TRPM3: variants seen among roughly 807,000 people sequenced by gnomAD.
The protein encoded by TRPM3 is long transient receptor potential channel 3.
Under a neutral mutation model 181.2 loss-of-function variants are expected in TRPM3, and 77 were observed. The ratio of observed to expected loss-of-function variants is 0.42; its 90% confidence interval spans 0.35 to 0.51. The LOEUF (loss-of-function observed/expected upper bound fraction) is 0.51. TRPM3 is among the 20% of genes least tolerant of loss of function. The pLI is 0.01. For synonymous variants in TRPM3, 745 were observed against 796.4 expected (o/e 0.94, Z 1.09); for missense variants, 1,759 against 2,196.7 (o/e 0.80, Z 3.98).
At chr9:70,633,279 T>G (rs1356682736) in intron 12 of TRPM3, among the ~76,000 whole-genome samples, 1 of 152,170 alleles carries the variant, frequency 6.6e-6, no homozygotes, top group Non-Finnish European at 1.5e-5. Context: ...AGAAGACACA[T>G]CGAATGTGTC....
At chr9:70,878,834 C>A (rs141902094) in intron 1 of TRPM3, among the ~76,000 whole-genome samples, 1 of 152,022 alleles carries the variant, frequency 6.6e-6, no homozygotes, top group Non-Finnish European at 1.5e-5. Flanking sequence ...AGGCCCCCAA[C>A]GGAAGATCTA....
chr9:71,259,878 T>G (rs117881807), intron 1 of TRPM3, among the ~76,000 whole-genome samples: 1 of 152,192 alleles, frequency 6.6e-6, no homozygotes, highest in Non-Finnish European at 1.5e-5. Context: ...GTGCAGAAGC[T>G]CTTTTATTAG....
At chr9:70,591,481 A>T (rs1564464600) in intron 21 of TRPM3, among the ~76,000 whole-genome samples, 1 of 152,194 alleles carries the variant, frequency 6.6e-6, no homozygotes, top group Non-Finnish European at 1.5e-5. Context: ...GGGACCGAGC[A>T]TAGGTCCCAC....
At chr9:70,883,026 A>G (rs1435191755) in intron 1 of TRPM3, among the ~76,000 whole-genome samples, 4 of 152,210 alleles carry the variant, frequency 2.6e-5, no homozygotes, top group African/African-American at 9.6e-5. Flanking sequence ...CATAATAACA[A>G]TGGGAGAGTA....
chr9:70,541,813 C>T (rs1483150927), intron 25 of TRPM3, among the ~76,000 whole-genome samples: 1 of 152,100 alleles, frequency 6.6e-6, no homozygotes, highest in Non-Finnish European at 1.5e-5. Context: ...ACCTGGCCTT[C>T]CTTTAATCTT....
chr9:71,417,393 G>A (rs946057333), intron 1 of TRPM3, among the ~76,000 whole-genome samples: 2 of 151,804 alleles, frequency 1.3e-5, no homozygotes, highest in Non-Finnish European at 2.9e-5. Context: ...ATAAACGAAT[G>A]GTATTGAGCA....
chr9:71,214,383 C>T (rs2131816343), intron 1 of TRPM3, among the ~76,000 whole-genome samples: 1 of 152,296 alleles, frequency 6.6e-6, no homozygotes, highest in Non-Finnish European at 1.5e-5. Flanking sequence ...AACCCAGCAT[C>T]TCCATTCCTG....
chr9:70,981,080 A>G (rs1380106916), intron 1 of TRPM3, among the ~76,000 whole-genome samples: 1 of 152,204 alleles, frequency 6.6e-6, no homozygotes, highest in Non-Finnish European at 1.5e-5. Context: ...TTAAATTACC[A>G]TGAGCTTTGA....
At chr9:70,691,400 G>C (rs975270197) in intron 8 of TRPM3, among the ~76,000 whole-genome samples, 2 of 152,088 alleles carry the variant, frequency 1.3e-5, no homozygotes, top group Non-Finnish European at 2.9e-5. Flanking sequence ...TTTTAAAGGT[G>C]CATTATGTCT....
chr9:71,315,486 C>T (rs2088486534), intron 1 of TRPM3, among the ~76,000 whole-genome samples: 1 of 152,118 alleles, frequency 6.6e-6, no homozygotes, highest in African/African-American at 2.4e-5. Context: ...GTCTAGATCC[C>T]TGCTTTACTC....
intron 19 of TRPM3, among the ~76,000 whole-genome samples, chr9:70,606,774 T>TATTA (rs1222384559): frequency 1.3e-5 from 2 of 152,146 alleles, no homozygotes; most frequent in Non-Finnish European, 2.9e-5. Context: ...ATTTGTATTT[T>TATTA]ATTAACATAT....
intron 1 of TRPM3, among the ~76,000 whole-genome samples, chr9:71,411,652 C>T (rs62545047): frequency 6.6e-6 from 1 of 152,110 alleles, no homozygotes; most frequent in South Asian, 2.1e-4. Flanking sequence ...GAATCAATAT[C>T]ACGAAAATGG....
chr9:70,646,875 C>CAAA (rs200789716), intron 9 of TRPM3, among the ~76,000 whole-genome samples: 23 of 85,346 alleles, frequency 2.7e-4, no homozygotes, highest in Non-Finnish European at 4.2e-4. Context: ...CATGGAAGTA[C>CAAA]AAAAAAAAAA....
chr9:71,316,656 G>T (rs563358804), intron 1 of TRPM3, among the ~76,000 whole-genome samples: 1 of 152,088 alleles, frequency 6.6e-6, no homozygotes, highest in African/African-American at 2.4e-5. Context: ...AGCTGAAAAA[G>T]GTAGAGAAAT....
intron 1 of TRPM3, among the ~76,000 whole-genome samples, chr9:70,993,192 A>T (rs193222740): frequency 3.3e-5 from 5 of 152,240 alleles, no homozygotes; most frequent in Admixed American, 1.3e-4. Context: ...GTTTTAAGTG[A>T]GGGGACATCA....
chr9:71,147,964 C>A (rs1384999885), intron 1 of TRPM3, among the ~76,000 whole-genome samples: 2 of 152,082 alleles, frequency 1.3e-5, no homozygotes, highest in Admixed American at 6.6e-5. Context: ...TCAAGAGCCA[C>A]CTCACCAAGA....
At chr9:71,138,020 A>G (rs926768539) in intron 1 of TRPM3, among the ~76,000 whole-genome samples, 1 of 151,958 alleles carries the variant, frequency 6.6e-6, no homozygotes. Flanking sequence ...AGGCTGAGGC[A>G]GGAGAATCAC....
intron 1 of TRPM3, among the ~76,000 whole-genome samples, chr9:71,228,229 A>AGAAAG (rs1346005912): frequency 6.6e-6 from 1 of 152,170 alleles, no homozygotes; most frequent in Non-Finnish European, 1.5e-5. Context: ...AGAAGGACAA[A>AGAAAG]AACCTTATGA....
chr9:70,926,011 AC>A lies in TRPM3; in HGVS notation c.178-61501del, dbSNP rs1271650604. On this transcript the variant is annotated intron_variant, in intron 1 of 25. Transcript: ENST00000677713. Reference sequence around the variant, plus strand: ...GCTTGGGAAAACAAAAAAAAAAAAAACAAACAAAAGCCACCTTTAAAATCAA... The same window carrying A: ...GCTTGGGAAAACAAAAAAAAAAAAAAAAACAAAAGCCACCTTTAAAATCAA... 1.6e-3 allele frequency among the ~76,000 whole-genome samples: 227 copies of A among 140,360 alleles called. 2 individuals carry two copies. The highest frequency in any genetic ancestry group is 3.6e-3 in the Middle Eastern group (1 of 276). The allele number at this position is 140,360 out of a possible 152,430, so 92.1% of individuals were successfully genotyped here.
Sources: allele counts gnomAD v4.1 joint callset (sites outside exome capture counted in the v4.1 genomes callset), GRCh38; gene constraint gnomAD v4.1.1; transcripts MANE v1.5; gene names NCBI Gene and HGNC (gene_info 2026-07-23, HGNC 2026-07-21).